PRKCH: variants seen among roughly 807,000 people sequenced by gnomAD.
PRKCH encodes protein kinase C eta type.
A neutral mutation model predicts 82.5 loss-of-function variants in PRKCH; 28 were observed. The ratio of observed to expected loss-of-function variants is 0.34; its 90% confidence interval spans 0.25 to 0.47. PRKCH has a LOEUF of 0.47. PRKCH is among the 20% of genes least tolerant of loss of function. PRKCH has a pLI of 1.00. For missense variants in PRKCH, 705 were observed against 881.8 expected (o/e 0.80, Z 2.54); for synonymous variants, 322 against 327.4 (o/e 0.98, Z 0.18).
chr14:61,262,277 C>G (rs115528235), intron 1 of PRKCH, among the ~76,000 whole-genome samples: 1 of 146,960 alleles, frequency 6.8e-6, no homozygotes, highest in East Asian at 2.0e-4. Context: ...AAACTGGAAA[C>G]AGCCCAGACG....
intron 1 of PRKCH, among the ~76,000 whole-genome samples, chr14:61,209,234 T>C (rs974032989): frequency 2.6e-5 from 4 of 151,536 alleles, no homozygotes; most frequent in African/African-American, 7.3e-5. Context: ...GAAATGAATT[T>C]TTTTTCTTTA....
Position 61,432,401 on chromosome 14 carries a change from C to G in PRKCH, c.428-10710C>G, listed in dbSNP as rs924610511. 5.9e-5 allele frequency among the ~76,000 whole-genome samples: 9 copies of G among 152,338 alleles called. No individual in the cohort carries two copies. The East Asian group carries it at 1.7e-3, about 29-fold the overall frequency. ...TTCCCTCCTTCTTCAAGTAGATTCT[C>G]TTCAAGTACATTCTTTATTTAGCGA... On this transcript the variant is annotated intron_variant, in intron 2 of 13. Transcript: ENST00000332981.
rs538772526 is a variant in PRKCH at position 61,195,438 on chromosome 14, G to A, written c.-19+7770G>A. On this transcript the variant is annotated intron_variant, in intron 1 of 3. Coordinates refer to the PRKCH transcript ENST00000555185. ...ACCTATCACATGTTAGGTTTTGAAGGCCTACTCTGTGTCAGGCAATGTGCT... is the reference window on the plus strand; with the variant it reads ...ACCTATCACATGTTAGGTTTTGAAGACCTACTCTGTGTCAGGCAATGTGCT... Among the ~76,000 whole-genome samples the A allele has an allele frequency of 4.1e-4, 62 of 152,294 alleles. 1 individual carries two copies. Among genetic ancestry groups the A allele is most frequent in the African/African-American group, 1.4e-3 (58 of 41,558 alleles).
At chr14:61,199,676 C>T (rs1208011489) in intron 1 of PRKCH, among the ~76,000 whole-genome samples, 1 of 152,028 alleles carries the variant, frequency 6.6e-6, no homozygotes. Context: ...ATGCCACAGT[C>T]AATGTAGGGG....
chr14:61,324,312 A>G (rs1196477978), intron 1 of PRKCH, among the ~76,000 whole-genome samples: 1 of 152,238 alleles, frequency 6.6e-6, no homozygotes, highest in Non-Finnish European at 1.5e-5. Context: ...ATGGTCTGAA[A>G]TAATTACACT....
At chr14:61,459,333 C>G (rs139961874) in intron 9 of PRKCH, among the ~76,000 whole-genome samples, 1 of 152,196 alleles carries the variant, frequency 6.6e-6, no homozygotes, top group Non-Finnish European at 1.5e-5. Context: ...TGGGACCAAA[C>G]GAGTGAATTA....
At position 61,189,751 on chromosome 14, in the gene PRKCH, T is replaced by C. The variant is rs200645923; in HGVS notation, c.-19+2083T>C. 4.4e-3 allele frequency among the ~76,000 whole-genome samples: 676 copies of C among 152,172 alleles called. 24 individuals carry two copies. In the East Asian group the frequency reaches 0.09, roughly 20 times the overall value. On this transcript the variant is annotated intron_variant, in intron 1 of 3. Transcript: ENST00000555185. ...TCTTTTAGGAAGTTTGACCTTTTTT[T>C]TTTCCTCTCTCATCACTCGCACTCT...
chr14:61,307,590 C>A (rs575396043), intron 1 of PRKCH, among the ~76,000 whole-genome samples: 9 of 152,322 alleles, frequency 5.9e-5, no homozygotes, highest in African/African-American at 2.2e-4. Context: ...TCTGGCTCCT[C>A]ATCTGTAAAA....
intron 1 of PRKCH, among the ~76,000 whole-genome samples, chr14:61,224,062 ATTTT>A (rs2140054498): frequency 6.6e-6 from 1 of 152,334 alleles, no homozygotes; most frequent in African/African-American, 2.4e-5. Flanking sequence ...TCAAAATGAC[ATTTT>A]AACAGTGTGC....
chr14:61,217,990 C>T (rs1161644912), intron 1 of PRKCH, among the ~76,000 whole-genome samples: 1 of 152,154 alleles, frequency 6.6e-6, no homozygotes, highest in East Asian at 1.9e-4. Flanking sequence ...ATTTCTCTGG[C>T]AGAGCTGATG....
At chr14:61,390,394 G>T (rs752460390) in intron 1 of PRKCH, among the ~76,000 whole-genome samples, 1 of 152,210 alleles carries the variant, frequency 6.6e-6, no homozygotes, top group African/African-American at 2.4e-5. Context: ...GTAGCAGTCC[G>T]ACACAGTGTC....
chr14:61,438,201 A>G (rs1056186898), intron 2 of PRKCH, among the ~76,000 whole-genome samples: 2 of 152,138 alleles, frequency 1.3e-5, no homozygotes, highest in African/African-American at 4.8e-5. Context: ...TCCAGATTCC[A>G]CAGCCTCAAC....
At chr14:61,228,993 A>G (rs557050695) in intron 1 of PRKCH, among the ~76,000 whole-genome samples, 66 of 152,192 alleles carry the variant, frequency 4.3e-4, no homozygotes, top group Non-Finnish European at 8.1e-4. Context: ...CTGGAAAGCA[A>G]TTTTACAGTA....
At chr14:61,476,276 T>C (rs1370732158) in intron 9 of PRKCH, 1 of 152,216 alleles carries the variant, frequency 6.6e-6, no homozygotes. Context: ...GGCCAGGCAC[T>C]GTGCTTGGTG....
chr14:61,314,883 C>T (rs74455579), intron 1 of PRKCH, among the ~76,000 whole-genome samples: 4,512 of 152,218 alleles, frequency 0.03, 127 homozygotes, highest in African/African-American at 0.07. Flanking sequence ...CATGCCACCC[C>T]GCCCTGACTT....
intron 1 of PRKCH, among the ~76,000 whole-genome samples, chr14:61,337,989 C>G (rs1447295663): frequency 6.6e-6 from 1 of 152,144 alleles, no homozygotes; most frequent in African/African-American, 2.4e-5. Flanking sequence ...TTTGAGTCTC[C>G]TTGCCGGGCC....
chr14:61,456,460 C>A, intron 7 of PRKCH, among the ~76,000 whole-genome samples: 1 of 152,164 alleles, frequency 6.6e-6, no homozygotes, highest in Non-Finnish European at 1.5e-5. Flanking sequence ...CGTTAGAACT[C>A]ATATTCTTGA....
chr14:61,550,058 G>GATT lies in PRKCH; in HGVS notation c.*227_*228insATT, dbSNP rs1405175268. Reference sequence around the variant, plus strand: ...TGATAATGAAATGAGATTTTATGAAGTATACCGCTCCACCTATGAGCGTCT... The same window carrying GATT: ...TGATAATGAAATGAGATTTTATGAAGATTTATACCGCTCCACCTATGAGCGTCT... On this transcript the variant is annotated 3_prime_UTR_variant, in exon 14 of 14. Coordinates refer to ENST00000332981, the MANE Select transcript of PRKCH (RefSeq NM_006255.5). 7 of 486,712 alleles carry GATT rather than the reference G, an allele frequency of 1.4e-5. No individual in the cohort carries two copies. Among genetic ancestry groups the GATT allele is most frequent in the Admixed American group, 3.5e-5 (1 of 28,612 alleles). 30.1% of individuals were successfully genotyped at this position (486,712 alleles called of 1,614,324 possible). A position where few individuals can be genotyped will look rare whatever the true frequency, so the allele number is the denominator to read the frequency against.
At chr14:61,247,034 A>T (rs2044890852) in intron 1 of PRKCH, among the ~76,000 whole-genome samples, 1 of 151,932 alleles carries the variant, frequency 6.6e-6, no homozygotes, top group Non-Finnish European at 1.5e-5. Context: ...TCTAGCCCTG[A>T]CTCTTCTTCA....
Sources: gnomAD v4.1 joint callset for allele counts (sites outside exome capture counted in the v4.1 genomes callset) on GRCh38, gnomAD v4.1.1 for gene constraint, MANE v1.5 for transcripts, NCBI Gene and HGNC (gene_info 2026-07-23, HGNC 2026-07-21) for gene names.